PTPRD: variants seen among roughly 807,000 people sequenced by gnomAD.
The protein encoded by PTPRD is protein tyrosine phosphatase receptor type D, also known as receptor-type tyrosine-protein phosphatase delta.
In PTPRD, 34 loss-of-function variants were observed where a neutral mutation model predicts 214.5. That is an observed-to-expected ratio of 0.16 (90% CI 0.12 to 0.21). The LOEUF (loss-of-function observed/expected upper bound fraction) is 0.21. Among genes scored for constraint, PTPRD ranks in the 10% least tolerant of loss-of-function variants. The pLI is 1.00. For missense variants in PTPRD, 2,545 were observed against 2,398.7 expected (o/e 1.06, Z -1.27); for synonymous variants, 1,128 against 845.7 (o/e 1.33, Z -5.79).
intron 19 of PTPRD, among the ~76,000 whole-genome samples, 182 bp downstream of exon 19, chr9:8,523,331 C>T (rs1372843869): frequency 6.6e-6 from 1 of 152,056 alleles, no homozygotes; most frequent in African/African-American, 2.4e-5. Context: ...TCTCTCCCAC[C>T]ATGCACCACA....
chr9:8,923,463 C>T (rs904520921), intron 11 of PTPRD, among the ~76,000 whole-genome samples: 5 of 151,824 alleles, frequency 3.3e-5, no homozygotes, highest in South Asian at 2.1e-4. Flanking sequence ...TCCTGTGGCC[C>T]GTGGTCCAAA....
intron 11 of PTPRD, among the ~76,000 whole-genome samples, chr9:8,891,151 TGAGA>T (rs2098536363): frequency 6.7e-6 from 1 of 149,636 alleles, no homozygotes. Flanking sequence ...TTTTTTTTTT[TGAGA>T]CTGAGTCTCC....
At chr9:10,306,858 T>A (rs975224748) in intron 3 of PTPRD, among the ~76,000 whole-genome samples, 1 of 152,154 alleles carries the variant, frequency 6.6e-6, no homozygotes, top group Non-Finnish European at 1.5e-5. Flanking sequence ...AAATCTGCTA[T>A]TATTCATTTT....
intron 4 of PTPRD, among the ~76,000 whole-genome samples, chr9:10,003,031 A>G (rs1047390072): frequency 3.3e-5 from 5 of 151,956 alleles, no homozygotes; most frequent in African/African-American, 1.2e-4. Flanking sequence ...TTATAAGAGA[A>G]ACAGTTAATA....
At chr9:8,731,237 T>C (rs1475177954) in intron 12 of PTPRD, among the ~76,000 whole-genome samples, 2 of 152,214 alleles carry the variant, frequency 1.3e-5, no homozygotes, top group Non-Finnish European at 2.9e-5. Flanking sequence ...TAAATTAACA[T>C]GGCAAACTAG....
chr9:10,372,659 G>T (rs111822173), intron 2 of PTPRD, among the ~76,000 whole-genome samples: 2,334 of 151,910 alleles, frequency 0.015, 62 homozygotes, highest in African/African-American at 0.054. Context: ...CTGGCTCATG[G>T]TGAGTACATA....
chr9:8,489,025 G>C (rs1395574008), intron 27 of PTPRD, among the ~76,000 whole-genome samples: 3 of 152,104 alleles, frequency 2.0e-5, no homozygotes. Flanking sequence ...GTAAAGCTAG[G>C]ATAAATAAAA....
chr9:9,998,801 G>A (rs1430256077), intron 4 of PTPRD, among the ~76,000 whole-genome samples: 2 of 152,160 alleles, frequency 1.3e-5, no homozygotes, highest in Non-Finnish European at 2.9e-5. Context: ...CGAGGGAAAG[G>A]TAGCTAACAT....
chr9:8,475,897 C>T (rs1306477550), intron 30 of PTPRD, among the ~76,000 whole-genome samples: 1 of 152,126 alleles, frequency 6.6e-6, no homozygotes, highest in East Asian at 1.9e-4. Flanking sequence ...GACTTTAGCC[C>T]CGTCTAGTGC....
intron 7 of PTPRD, among the ~76,000 whole-genome samples, chr9:9,695,417 T>A (rs2097355240): frequency 6.6e-6 from 1 of 152,184 alleles, no homozygotes; most frequent in South Asian, 2.1e-4. Context: ...GGGGAAGGAT[T>A]GTGCAAACCC....
At chr9:8,341,635 C>G (rs919141787) in intron 40 of PTPRD, 58 bp downstream of exon 40, 5 of 1,582,074 alleles carry the variant, frequency 3.2e-6, no homozygotes, top group Non-Finnish European at 3.4e-6. Context: ...AGCCACGACT[C>G]AAAGACAAAC....
At chr9:9,698,197 T>A (rs901422508) in intron 7 of PTPRD, among the ~76,000 whole-genome samples, 1 of 152,186 alleles carries the variant, frequency 6.6e-6, no homozygotes, top group Non-Finnish European at 1.5e-5. Flanking sequence ...TTACTGTTTT[T>A]TCTTGTGGAG....
chr9:10,374,714 T>A (rs2154479567), intron 2 of PTPRD, among the ~76,000 whole-genome samples: 1 of 152,148 alleles, frequency 6.6e-6, no homozygotes, highest in East Asian at 1.9e-4. Context: ...TTCTCTATGA[T>A]TGGAAAGGAC....
chr9:9,120,025 C>T (rs1366155799), intron 10 of PTPRD, among the ~76,000 whole-genome samples: 1 of 152,064 alleles, frequency 6.6e-6, no homozygotes, highest in Non-Finnish European at 1.5e-5. Context: ...TGAATGCATA[C>T]CATTTTCTAA....
intron 3 of PTPRD, among the ~76,000 whole-genome samples, chr9:10,078,034 T>C (rs2098163558): frequency 6.6e-6 from 1 of 152,020 alleles, no homozygotes; most frequent in Admixed American, 6.6e-5. Flanking sequence ...TTGATTGGAA[T>C]GAATTATCTA....
At chr9:9,789,285 C>T (rs1198118894) in intron 5 of PTPRD, among the ~76,000 whole-genome samples, 5 of 152,120 alleles carry the variant, frequency 3.3e-5, no homozygotes, top group Admixed American at 6.5e-5. Flanking sequence ...AATGCCTTGG[C>T]CTATAGGCAA....
In PTPRD at chr9:8,436,695, GA is replaced by G. The variant is rs2132535622; in HGVS notation, c.3989-7del. ...TGGAGGATGGCTAGCCATACCTATT[GA>G]AAAAAGCAAAGAAGAAACACATTTG... On this transcript the variant is annotated splice_polypyrimidine_tract_variant and splice_region_variant and intron_variant, in intron 34 of 45. Coordinates refer to ENST00000381196, the MANE Select transcript of PTPRD (RefSeq NM_002839.4). 6.3e-7 allele frequency: 1 copy of G among 1,597,538 alleles called. No individual in the cohort carries two copies. The highest frequency in any genetic ancestry group is 8.6e-7 in the Non-Finnish European group (1 of 1,167,780).
rs747143999 is a variant in PTPRD, at chr9:9,646,320, T to G, written c.-286-71539A>C. Among the ~76,000 whole-genome samples the G allele has an allele frequency of 1.5e-3, 177 of 115,736 alleles. 1 individual carries two copies. The highest frequency in any genetic ancestry group is 0.013 in the South Asian group (49 of 3,854). 75.9% of individuals were successfully genotyped at this position (115,736 alleles called of 152,430 possible). On this transcript the variant is annotated intron_variant, in intron 7 of 45. Coordinates refer to ENST00000381196, the MANE Select transcript of PTPRD (RefSeq NM_002839.4). ...TGGGAGGGGTGTGTGTGTGTGTGGGTGTGTGTGTGTGTGTGTGTGTGTGGG... is the reference window on the plus strand; with the variant it reads ...TGGGAGGGGTGTGTGTGTGTGTGGGGGTGTGTGTGTGTGTGTGTGTGTGGG...
chr9:10,135,952 A>C (rs1185654901), intron 3 of PTPRD, among the ~76,000 whole-genome samples: 1 of 151,790 alleles, frequency 6.6e-6, no homozygotes, highest in Admixed American at 6.6e-5. Flanking sequence ...TTAAAAAAAA[A>C]AAAATAAGGC....
Sources: gnomAD v4.1 joint callset for allele counts (sites outside exome capture counted in the v4.1 genomes callset) on GRCh38, gnomAD v4.1.1 for gene constraint, MANE v1.5 for transcripts, NCBI Gene and HGNC (gene_info 2026-07-23, HGNC 2026-07-21) for gene names.